The following NPAS3 variants were observed in gnomAD, a reference collection of about 807,000 sequenced individuals.
The protein encoded by NPAS3 is neuronal PAS domain protein 3.
A neutral mutation model predicts 73.1 loss-of-function variants in NPAS3; 14 were observed. That is an observed-to-expected ratio of 0.19 (90% CI 0.13 to 0.30). The LOEUF is 0.30. Ranked by LOEUF, NPAS3 falls within the 10% of genes least tolerant of loss-of-function variation. NPAS3 has a pLI of 1.00. For missense variants in NPAS3, 1,096 were observed against 1,250.0 expected (o/e 0.88, Z 1.86); for synonymous variants, 620 against 541.5 (o/e 1.14, Z -2.01).
intron 5 of NPAS3, among the ~76,000 whole-genome samples, chr14:33,599,923 A>T (rs1403404352): frequency 6.6e-6 from 1 of 152,232 alleles, no homozygotes; most frequent in Non-Finnish European, 1.5e-5. Context: ...AGTCCATGAG[A>T]AATGTGTTGA....
intron 1 of NPAS3, among the ~76,000 whole-genome samples, chr14:33,011,241 A>G (rs1030534754): frequency 1.3e-5 from 2 of 152,206 alleles, no homozygotes; most frequent in Admixed American, 1.3e-4. Context: ...TTTATTTGAC[A>G]ATAATTTGTA....
chr14:33,369,292 C>A (rs1460340210), intron 4 of NPAS3, among the ~76,000 whole-genome samples: 1 of 146,604 alleles, frequency 6.8e-6, no homozygotes, highest in African/African-American at 2.6e-5. Context: ...GGTGAGTAAA[C>A]TAGAAATCAT....
At chr14:33,484,968 T>A (rs1217216900) in intron 4 of NPAS3, among the ~76,000 whole-genome samples, 1 of 152,170 alleles carries the variant, frequency 6.6e-6, no homozygotes, top group Non-Finnish European at 1.5e-5. Flanking sequence ...TTCAGTTGCT[T>A]TTATTAAAAG....
chr14:33,777,711 C>T (rs867851419), intron 8 of NPAS3, among the ~76,000 whole-genome samples: 2 of 152,238 alleles, frequency 1.3e-5, no homozygotes, highest in Admixed American at 6.5e-5. Context: ...TCCCCCAACA[C>T]GGTTTCCAAT....
chr14:33,795,606 G>C (rs1349373193), intron 10 of NPAS3, among the ~76,000 whole-genome samples: 1 of 152,138 alleles, frequency 6.6e-6, no homozygotes, highest in Non-Finnish European at 1.5e-5. Context: ...AGCAGTGTCT[G>C]GCTCCCATGT....
intron 2 of NPAS3, among the ~76,000 whole-genome samples, chr14:33,112,175 G>GTATA (rs1000632700): frequency 4.6e-5 from 7 of 151,820 alleles, no homozygotes; most frequent in African/African-American, 1.7e-4. Flanking sequence ...AATCCTTTGG[G>GTATA]TATATACCCA....
chr14:33,541,124 T>TGTGTGTGTGTGTGTGC (rs1566985364), intron 4 of NPAS3, among the ~76,000 whole-genome samples: 3 of 150,874 alleles, frequency 2.0e-5, no homozygotes, highest in African/African-American at 7.4e-5. Context: ...TGTGTGTGTG[T>TGTGTGTGTGTGTGTGC]GTGCATGCAC....
intron 4 of NPAS3, among the ~76,000 whole-genome samples, chr14:33,499,398 G>A (rs921091361): frequency 1.3e-5 from 2 of 151,718 alleles, no homozygotes; most frequent in Non-Finnish European, 2.9e-5. Context: ...TAGAAAGAAC[G>A]TAAAATGAGT....
At chr14:32,939,051 G>T (rs921964221), upstream of NPAS3, among the ~76,000 whole-genome samples, 2 of 145,696 alleles carry the variant, frequency 1.4e-5, no homozygotes, top group South Asian at 2.1e-4. Flanking sequence ...GCGAGGGGAC[G>T]GCCGGCCGCC....
intron 4 of NPAS3, among the ~76,000 whole-genome samples, chr14:33,515,549 G>A (rs576678417): frequency 1.3e-4 from 20 of 152,104 alleles, no homozygotes; most frequent in Middle Eastern, 6.8e-3. Context: ...TGTCTGTGCC[G>A]CTTTCACTCT....
chr14:33,783,469 A>C (rs1192351564), intron 9 of NPAS3, among the ~76,000 whole-genome samples: 1 of 152,124 alleles, frequency 6.6e-6, no homozygotes, highest in East Asian at 1.9e-4. Flanking sequence ...CTTTCTTCAG[A>C]AGCCAAGTCA....
chr14:33,311,804 C>T (rs971890591), intron 3 of NPAS3, among the ~76,000 whole-genome samples: 5 of 151,982 alleles, frequency 3.3e-5, no homozygotes, highest in African/African-American at 1.2e-4. Flanking sequence ...GTAACTTGGC[C>T]TGAGAATGAC....
intron 7 of NPAS3, among the ~76,000 whole-genome samples, chr14:33,760,350 C>G (rs1211434904): frequency 6.6e-6 from 1 of 152,160 alleles, no homozygotes; most frequent in African/African-American, 2.4e-5. Context: ...CATCTTTCCC[C>G]CTTTATCTGT....
chr14:33,241,738 T>C (rs1443173208), intron 3 of NPAS3, among the ~76,000 whole-genome samples: 1 of 152,024 alleles, frequency 6.6e-6, no homozygotes, highest in Non-Finnish European at 1.5e-5. Context: ...AAGGAGCTTG[T>C]TGAATAAAGA....
intron 3 of NPAS3, among the ~76,000 whole-genome samples, chr14:33,343,149 C>T (rs2044564499): frequency 6.6e-6 from 1 of 152,164 alleles, no homozygotes; most frequent in Non-Finnish European, 1.5e-5. Flanking sequence ...TGGTCTCTTG[C>T]TCAGTAATTG....
intron 1 of NPAS3, among the ~76,000 whole-genome samples, chr14:32,990,046 T>C (rs962996358): frequency 2.6e-5 from 4 of 152,136 alleles, no homozygotes; most frequent in Admixed American, 6.5e-5. Context: ...TAAGCAAAGG[T>C]TGGGTTCTAC....
In NPAS3 at chr14:33,003,326, C is replaced by T. The variant is rs142822098; in HGVS notation, c.51-52579C>T. On this transcript the variant is annotated intron_variant, in intron 1 of 11. Transcript: ENST00000356141. ...AAAAAAAAATAAGCCCAACGACCCA[C>T]TGCTGCAGAAAGAATTTAGCTACAA... Among the ~76,000 whole-genome samples, 282 of 152,090 alleles carry T rather than the reference C, an allele frequency of 1.9e-3. 1 individual carries two copies. The highest frequency in any genetic ancestry group is 6.6e-3 in the African/African-American group (273 of 41,528).
intron 4 of NPAS3, among the ~76,000 whole-genome samples, chr14:33,375,891 T>C (rs2046292576): frequency 1.3e-5 from 2 of 152,182 alleles, no homozygotes; most frequent in Admixed American, 6.5e-5. Context: ...AGTAGTCAAT[T>C]GGGTCTACTG....
chr14:33,361,107 C>T (rs368044977), intron 3 of NPAS3, among the ~76,000 whole-genome samples: 2 of 152,166 alleles, frequency 1.3e-5, no homozygotes, highest in African/African-American at 4.8e-5. Flanking sequence ...GCCATTTCCT[C>T]CTTTCCCAGC....
Sources: allele counts gnomAD v4.1 joint callset (sites outside exome capture counted in the v4.1 genomes callset), GRCh38; gene constraint gnomAD v4.1.1; transcripts MANE v1.5; gene names NCBI Gene and HGNC (gene_info 2026-07-23, HGNC 2026-07-21).